Variants in PTPRD observed in about 807,000 individuals in gnomAD.
PTPRD encodes protein tyrosine phosphatase receptor type D, also known as receptor-type tyrosine-protein phosphatase delta.
Under a neutral mutation model 214.5 loss-of-function variants are expected in PTPRD, and 34 were observed. The ratio of observed to expected loss-of-function variants is 0.16; its 90% CI spans 0.12 to 0.21. The LOEUF (loss-of-function observed/expected upper bound fraction) is 0.21. Among genes scored for constraint, PTPRD ranks in the 10% least tolerant of loss-of-function variants. PTPRD has a pLI of 1.00. For missense variants in PTPRD, 2,545 were observed against 2,398.7 expected, an observed-to-expected ratio of 1.06 and a Z score of -1.27; for synonymous variants, 1,128 against 845.7, an observed-to-expected ratio of 1.33 and a Z score of -5.79.
chr9:9,436,500 T>C lies in PTPRD; in HGVS notation c.-236-39018A>G, dbSNP rs373677327. Among the ~76,000 whole-genome samples the C allele has an allele frequency of 3.3e-5, 5 of 152,210 alleles. No homozygotes were observed. The East Asian group carries it at 5.8e-4, about 18-fold the overall frequency. On this transcript the variant is annotated intron_variant, in intron 8 of 45. Transcript: ENST00000381196. ...AAACTCTCCCTAATTTCATCCTTGA[T>C]TTTTGGATGGAGTTTACAGATGCAT...
chr9:8,737,774 C>A (rs1334239202), intron 11 of PTPRD, among the ~76,000 whole-genome samples: 2 of 152,158 alleles, frequency 1.3e-5, no homozygotes, highest in African/African-American at 4.8e-5. Context: ...CCTCAGCCTC[C>A]TGAGTGGCTG....
chr9:10,517,790 T>G (rs1476282116), intron 2 of PTPRD, among the ~76,000 whole-genome samples: 2 of 152,148 alleles, frequency 1.3e-5, no homozygotes, highest in Non-Finnish European at 2.9e-5. Context: ...ATCTTTTTAA[T>G]AAATATATTT....
intron 10 of PTPRD, among the ~76,000 whole-genome samples, chr9:9,173,257 C>A (rs1276234289): frequency 6.6e-6 from 1 of 152,110 alleles, no homozygotes; most frequent in East Asian, 1.9e-4. Flanking sequence ...TCTCCTTACT[C>A]AATACTTTAA....
chr9:8,445,951 T>C (rs2095708648), intron 34 of PTPRD, among the ~76,000 whole-genome samples: 1 of 152,118 alleles, frequency 6.6e-6, no homozygotes, highest in Non-Finnish European at 1.5e-5. Context: ...AGCAACTCCT[T>C]AAGGTGCTCT....
chr9:9,568,554 C>G (rs1389221122), intron 8 of PTPRD, among the ~76,000 whole-genome samples: 1 of 151,828 alleles, frequency 6.6e-6, no homozygotes, highest in East Asian at 1.9e-4. Flanking sequence ...TGATATTAAC[C>G]ATCCAATTAT....
intron 8 of PTPRD, among the ~76,000 whole-genome samples, chr9:9,559,527 C>A (rs1423994537): frequency 1.3e-5 from 2 of 152,226 alleles, no homozygotes; most frequent in Non-Finnish European, 2.9e-5. Flanking sequence ...ACTGAATAGG[C>A]TGCTTGGCTG....
At chr9:9,785,488 C>G (rs1046461506) in intron 5 of PTPRD, among the ~76,000 whole-genome samples, 16 of 151,944 alleles carry the variant, frequency 1.1e-4, no homozygotes, top group Non-Finnish European at 7.4e-5. Flanking sequence ...AAATTCAGAA[C>G]CTTAGTCTAA....
chr9:9,266,521 T>C (rs1390279221), intron 9 of PTPRD, among the ~76,000 whole-genome samples: 2 of 149,896 alleles, frequency 1.3e-5, no homozygotes, highest in Non-Finnish European at 3.0e-5. Flanking sequence ...TCTTAGAAAA[T>C]TTAAGCAAAC....
intron 7 of PTPRD, among the ~76,000 whole-genome samples, chr9:9,597,895 A>G (rs575659652): frequency 6.6e-6 from 1 of 152,212 alleles, no homozygotes; most frequent in Non-Finnish European, 1.5e-5. Flanking sequence ...TTGATAAAAG[A>G]ATAAAATCTT....
At chr9:8,702,370 T>A (rs2098108391) in intron 12 of PTPRD, among the ~76,000 whole-genome samples, 1 of 152,210 alleles carries the variant, frequency 6.6e-6, no homozygotes, top group African/African-American at 2.4e-5. Context: ...TACTTCTTGC[T>A]TCTCAGTTGG....
At chr9:8,623,524 G>T (rs2095886948) in intron 14 of PTPRD, among the ~76,000 whole-genome samples, 1 of 151,812 alleles carries the variant, frequency 6.6e-6, no homozygotes, top group Non-Finnish European at 1.5e-5. Flanking sequence ...CACAAATGGG[G>T]CAGTTCCCTT....
intron 3 of PTPRD, among the ~76,000 whole-genome samples, chr9:10,188,848 G>A (rs895911066): frequency 6.6e-6 from 1 of 152,054 alleles, no homozygotes; most frequent in Non-Finnish European, 1.5e-5. Context: ...TATTTATGAG[G>A]CAAAACTAAC....
chr9:10,427,101 G>C (rs926853330), intron 2 of PTPRD, among the ~76,000 whole-genome samples: 1 of 151,912 alleles, frequency 6.6e-6, no homozygotes, highest in African/African-American at 2.4e-5. Flanking sequence ...TGTATCACTT[G>C]TCTCTGAAGC....
chr9:10,359,737 G>C (rs1234028640), intron 2 of PTPRD, among the ~76,000 whole-genome samples: 1 of 152,062 alleles, frequency 6.6e-6, no homozygotes, highest in Non-Finnish European at 1.5e-5. Flanking sequence ...AACTCTATAA[G>C]TAATTTGCAT....
intron 9 of PTPRD, among the ~76,000 whole-genome samples, chr9:9,294,839 C>G (rs1214540187): frequency 1.3e-5 from 2 of 151,580 alleles, no homozygotes; most frequent in Admixed American, 1.3e-4. Flanking sequence ...TAAGATTAGG[C>G]ATAAATTTTA....
intron 11 of PTPRD, among the ~76,000 whole-genome samples, chr9:8,899,786 G>C (rs571456118): frequency 2.6e-5 from 4 of 152,326 alleles, no homozygotes; most frequent in African/African-American, 9.6e-5. Flanking sequence ...AGGTATCCTT[G>C]TGGGTGAGTG....
At chr9:9,419,241 T>C (rs2077956414) in intron 8 of PTPRD, among the ~76,000 whole-genome samples, 1 of 129,324 alleles carries the variant, frequency 7.7e-6, no homozygotes, top group Non-Finnish European at 1.7e-5. Flanking sequence ...ACCTGGAAAA[T>C]GAAGACAGTC....
chr9:10,367,649 G>A (rs923944473), intron 2 of PTPRD, among the ~76,000 whole-genome samples: 5 of 152,152 alleles, frequency 3.3e-5, no homozygotes, highest in African/African-American at 1.2e-4. Flanking sequence ...GAGAAGGCGG[G>A]GAGAAGAGAG....
intron 7 of PTPRD, among the ~76,000 whole-genome samples, chr9:9,656,069 C>T (rs1016836430): frequency 2.6e-5 from 4 of 152,110 alleles, no homozygotes; most frequent in African/African-American, 4.8e-5. Flanking sequence ...TAAAACAATG[C>T]GGTACCACTA....
Sources: allele counts gnomAD v4.1 joint callset (sites outside exome capture counted in the v4.1 genomes callset), GRCh38; gene constraint gnomAD v4.1.1; transcripts MANE v1.5; gene names NCBI Gene and HGNC (gene_info 2026-07-23, HGNC 2026-07-21).